SLC6A2: variants seen among roughly 807,000 people sequenced by gnomAD.
The protein encoded by SLC6A2 is solute carrier family 6 member 2.
In SLC6A2, 26 loss-of-function variants were observed where a neutral mutation model predicts 71.7. That is an observed-to-expected ratio of 0.36 (90% confidence interval 0.27 to 0.50). The LOEUF is 0.50. Ranked by LOEUF, SLC6A2 falls within the 20% of genes least tolerant of loss-of-function variation. The pLI is 0.96. For synonymous variants in SLC6A2, 363 were observed against 337.9 expected, an observed-to-expected ratio of 1.07 and a Z score of -0.82; for missense variants, 581 against 803.9, an observed-to-expected ratio of 0.72 and a Z score of 3.35.
intron 2 of SLC6A2, among the ~76,000 whole-genome samples, chr16:55,660,191 A>T (rs1964573125): frequency 6.6e-6 from 1 of 152,098 alleles, no homozygotes; most frequent in African/African-American, 2.4e-5. Context: ...CTGGGGCAGG[A>T]ATGTACATGG....
chr16:55,664,969 C>G (rs1964708753), intron 2 of SLC6A2, among the ~76,000 whole-genome samples: 1 of 152,178 alleles, frequency 6.6e-6, no homozygotes, highest in Non-Finnish European at 1.5e-5. Flanking sequence ...CCTTCTGGGT[C>G]TACATGAACA....
At chr16:55,694,691 G>A (rs186430729) in intron 7 of SLC6A2, among the ~76,000 whole-genome samples, 3 of 152,246 alleles carry the variant, frequency 2.0e-5, no homozygotes, top group Non-Finnish European at 2.9e-5. Flanking sequence ...TCATACCAGC[G>A]GGACAGGCTA....
chr16:55,701,937 G>A lies in SLC6A2; in HGVS notation c.1830+3G>A, dbSNP rs1188338821. On this transcript the variant is annotated splice_donor_region_variant and intron_variant, in intron 14 of 14. Coordinates refer to ENST00000568943, the MANE Select transcript of SLC6A2 (RefSeq NM_001172501.3). ...AGAGGGACATCAGACAGTTCCAGGT[G>A]GGTGAAGCCTAGACCCCTGGGGTGG... 1 of 1,611,726 alleles carries A rather than the reference G, an allele frequency of 6.2e-7. No homozygotes were observed. The highest frequency in any genetic ancestry group is 8.5e-7 in the Non-Finnish European group (1 of 1,177,728).
rs934876557 is a variant in SLC6A2, at chr16:55,698,346, C to T, written c.1390-123C>T. On this transcript the variant is annotated intron_variant, in intron 10 of 14. Transcript: ENST00000568943. Reference sequence around the variant, plus strand: ...TACAACAGCACCACAGCCCTATGCCCTGGGTTTTCAAATAGAGCTCCGAGC... The same window carrying T: ...TACAACAGCACCACAGCCCTATGCCTTGGGTTTTCAAATAGAGCTCCGAGC... 13 of 771,868 alleles carry T rather than the reference C, an allele frequency of 1.7e-5. No individual in the cohort carries two copies. In the African/African-American group the frequency reaches 2.2e-4, roughly 13 times the overall value. The allele number at this position is 771,868 out of a possible 1,614,324, so 47.8% of individuals were successfully genotyped here.
chr16:55,691,032 G>T (rs1965601393), intron 5 of SLC6A2, among the ~76,000 whole-genome samples: 1 of 152,078 alleles, frequency 6.6e-6, no homozygotes. Context: ...AATGGTCAGA[G>T]GTTCTGCTTT....
At position 55,669,710 on chromosome 16, in the gene SLC6A2, G is replaced by C; in HGVS notation, c.406+14G>C. 2 of 1,614,042 alleles carry C rather than the reference G, an allele frequency of 1.2e-6. No homozygotes were observed. Among genetic ancestry groups the C allele is most frequent in the Non-Finnish European group, 1.7e-6 (2 of 1,179,966 alleles). ...CATTCTTCAAAGGTAAAGAAGGGGT[G>C]GGAGAAAGTCACGGTTGTTCATAAA... On this transcript the variant is annotated intron_variant, in intron 3 of 14. Transcript: ENST00000568943.
At chr16:55,702,194 T>A in intron 14 of SLC6A2, 129 bp from the exon 15 acceptor site, 2 of 957,990 alleles carry the variant, frequency 2.1e-6, no homozygotes, top group Non-Finnish European at 3.4e-6. Flanking sequence ...AACTTGCACG[T>A]TCCCTGAGGT....
chr16:55,703,246 AG>A lies in SLC6A2; in HGVS notation c.*902del. ...GGGAAACGGGGGCAGGGACCAAGTG[AG>A]GCCTCATGTGTGTCTTCACCGTGCT... is the stretch of plus-strand genomic sequence containing the variant. On this transcript the variant is annotated 3_prime_UTR_variant, in exon 15 of 15. Transcript: ENST00000568943. 1.0e-6 allele frequency: 1 copy of A among 985,522 alleles called. No individual in the cohort carries two copies. Among genetic ancestry groups the A allele is most frequent in the Non-Finnish European group, 1.2e-6 (1 of 830,000 alleles). The allele number at this position is 985,522 out of a possible 1,614,324, so 61.0% of individuals were successfully genotyped here. A position where few individuals can be genotyped will look rare whatever the true frequency, so the allele number is the denominator to read the frequency against.
Position 55,705,084 on chromosome 16 carries a change from C to T in SLC6A2, c.*2738C>T. On this transcript the variant is annotated 3_prime_UTR_variant, in exon 15 of 15. Coordinates refer to ENST00000568943, the MANE Select transcript of SLC6A2 (RefSeq NM_001172501.3). ...TGTGTACTGTATATGACACTTGACG[C>T]TTTTGATATTTTTTCAGGTTTTTAA... 1.3e-6 allele frequency: 1 copy of T among 772,698 alleles called. No homozygotes were observed. Among genetic ancestry groups the T allele is most frequent in the South Asian group, 1.6e-5 (1 of 63,766 alleles). The allele number at this position is 772,698 out of a possible 1,614,324, so 47.9% of individuals were successfully genotyped here. A position where few individuals can be genotyped will look rare whatever the true frequency, so the allele number is the denominator to read the frequency against.
chr16:55,671,676 G>A, intron 3 of SLC6A2: 1 of 647,042 alleles, frequency 1.5e-6, no homozygotes. Flanking sequence ...GATCTAGGTT[G>A]TGTGCTCCTT....
chr16:55,698,081 A>G (rs999365158), intron 10 of SLC6A2, 56 bp downstream of exon 10: 1 of 1,571,184 alleles, frequency 6.4e-7, no homozygotes, highest in Non-Finnish European at 8.8e-7. Flanking sequence ...GCATTTCAAT[A>G]AAGTCAAACA....
chr16:55,661,284 C>T (rs1310779237), intron 2 of SLC6A2, among the ~76,000 whole-genome samples: 1 of 152,150 alleles, frequency 6.6e-6, no homozygotes, highest in East Asian at 1.9e-4. Flanking sequence ...TAGAGCTGTG[C>T]ATTGTAGAGA....
Position 55,691,938 on chromosome 16 carries a change from G to T in SLC6A2, c.804G>T (p.Thr268=). Residue 268 remains threonine, a synonymous_variant, in exon 6 of 15, where the codon ACG becomes ACT. Transcript: ENST00000568943. ...CCCAGGTGGTGTGGATCACAGCCAC[G>T]CTGCCTTACTTCGTGCTGTTCGTGC... The part of the protein sequence containing the change: ...TSGKVVWITA[T]LPYFVLFVLL... 6.2e-7 allele frequency: 1 copy of T among 1,614,050 alleles called. No homozygotes were observed. Among genetic ancestry groups the T allele is most frequent in the Non-Finnish European group, 8.5e-7 (1 of 1,180,008 alleles).
chr16:55,686,611 G>A (rs537809124), intron 5 of SLC6A2, among the ~76,000 whole-genome samples: 1 of 152,240 alleles, frequency 6.6e-6, no homozygotes, highest in South Asian at 2.1e-4. Flanking sequence ...AAGGGGGGGT[G>A]CACCAGAGTT....
In SLC6A2 at chr16:55,669,668, C is replaced by T. The variant is rs973349229; in HGVS notation, c.378C>T (p.Thr126=). Reference sequence around the variant, plus strand: ...AGTACAACCGGGAGGGGGCTGCCACCGTTTGGAAAATCTGCCCATTCTTCA... The same window carrying T: ...AGTACAACCGGGAGGGGGCTGCCACTGTTTGGAAAATCTGCCCATTCTTCA... ...LGQYNREGAA[T]VWKICPFFKG... The change falls in exon 3 of 15, where the codon ACC becomes ACT. Residue 126 remains threonine (T), a synonymous_variant. Transcript: ENST00000568943. 29 of 1,613,978 alleles carry T rather than the reference C, an allele frequency of 1.8e-5. No homozygotes were observed. The African/African-American group carries it at 2.3e-4, about 13-fold the overall frequency.
intron 2 of SLC6A2, among the ~76,000 whole-genome samples, chr16:55,658,929 C>T (rs1307592971): frequency 1.3e-5 from 2 of 152,192 alleles, no homozygotes; most frequent in East Asian, 3.9e-4. Flanking sequence ...CAGGTTTAAG[C>T]ATGGCTGTTT....
intron 2 of SLC6A2, among the ~76,000 whole-genome samples, chr16:55,667,013 AT>A (rs57209545): frequency 0.73 from 109,525 of 149,214 alleles, 40,127 homozygotes; most frequent in African/African-American, 0.79. Context: ...CTCTCTCTAA[AT>A]TTTTTTTTTT....
In SLC6A2 at chr16:55,659,766, A is replaced by G. The variant is rs1964560428; in HGVS notation, c.274+2798A>G. ...GGTAACTAATAAAGTGAAGCCACAT[A>G]CAACAGTGGGGCAGGGGCAGCCTAT... On this transcript the variant is annotated intron_variant, in intron 2 of 14. Coordinates refer to ENST00000568943, the MANE Select transcript of SLC6A2 (RefSeq NM_001172501.3). Among the ~76,000 whole-genome samples, 3 of 152,234 alleles carry G rather than the reference A, an allele frequency of 2.0e-5. No homozygotes were observed. In the South Asian group the frequency reaches 6.2e-4, roughly 31 times the overall value.
intron 2 of SLC6A2, among the ~76,000 whole-genome samples, chr16:55,667,716 T>C (rs1277266411): frequency 6.6e-6 from 1 of 152,246 alleles, no homozygotes; most frequent in Non-Finnish European, 1.5e-5. Flanking sequence ...GGCCAGCCTA[T>C]GACCAATAGA....
Sources: allele counts gnomAD v4.1 joint callset (sites outside exome capture counted in the v4.1 genomes callset), GRCh38; gene constraint gnomAD v4.1.1; transcripts MANE v1.5; gene names NCBI Gene and HGNC (gene_info 2026-07-23, HGNC 2026-07-21).